The following GPC5 variants were observed in gnomAD, a reference collection of about 807,000 sequenced individuals.
The protein encoded by GPC5 is glypican-5.
Under a neutral mutation model 53.9 loss-of-function variants are expected in GPC5, and 47 were observed. That is an observed-to-expected ratio of 0.87 (90% CI 0.69 to 1.11). GPC5 has a LOEUF of 1.11. GPC5 is among the 50% of genes most tolerant of loss of function. The pLI, the probability that GPC5 is intolerant of heterozygous loss-of-function variation, is 0.00. For missense variants in GPC5, 748 were observed against 713.1 expected, an observed-to-expected ratio of 1.05 and a Z score of -0.56; for synonymous variants, 286 against 263.3, an observed-to-expected ratio of 1.09 and a Z score of -0.84.
chr13:91,615,807 T>C (rs1487867335), intron 2 of GPC5, among the ~76,000 whole-genome samples: 1 of 152,130 alleles, frequency 6.6e-6, no homozygotes, highest in Non-Finnish European at 1.5e-5. Flanking sequence ...GAGAAAGAAA[T>C]ATCAATGATA....
chr13:91,907,661 T>C (rs2039568694), intron 5 of GPC5, among the ~76,000 whole-genome samples: 1 of 151,580 alleles, frequency 6.6e-6, no homozygotes, highest in Non-Finnish European at 1.5e-5. Flanking sequence ...ATTAACTCTT[T>C]GTAGCATATT....
At position 92,268,696 on chromosome 13, in the gene GPC5, T is replaced by A. The variant is rs536296911; in HGVS notation, c.1561+123707T>A. On this transcript the variant is annotated intron_variant, in intron 7 of 7. Coordinates refer to ENST00000377067, the MANE Select transcript of GPC5 (RefSeq NM_004466.6). ...GCTACAAAATTATTCTGTAAGAATT[T>A]TTTATCTTATACTTACCTCATAGAT... Among the ~76,000 whole-genome samples, 782 of 150,730 alleles carry A rather than the reference T, an allele frequency of 5.2e-3. 7 individuals carry two copies. The highest frequency in any genetic ancestry group is 0.018 in the African/African-American group (750 of 40,750).
At chr13:92,411,147 G>A (rs1876025378) in intron 7 of GPC5, among the ~76,000 whole-genome samples, 2 of 152,174 alleles carry the variant, frequency 1.3e-5, no homozygotes, top group Admixed American at 6.5e-5. Context: ...GCGCACGTCT[G>A]TAGTCTCAGC....
intron 7 of GPC5, among the ~76,000 whole-genome samples, chr13:92,419,560 C>T (rs1032369673): frequency 1.3e-5 from 2 of 152,128 alleles, no homozygotes; most frequent in Non-Finnish European, 2.9e-5. Context: ...GTCAAACTCA[C>T]GTTTGTCTTG....
At position 92,473,984 on chromosome 13, in the gene GPC5, A is replaced by G. The variant is rs894525342; in HGVS notation, c.1561+328995A>G. On this transcript the variant is annotated intron_variant, in intron 7 of 7. Transcript: ENST00000377067. The stretch of plus-strand genomic sequence containing the variant: ...TTGAAGCAATATCAGGAGATCATTG[A>G]CAAAAGGCAGAGCTGAGATTAGATG... Among the ~76,000 whole-genome samples, 18 of 152,150 alleles carry G rather than the reference A, an allele frequency of 1.2e-4. 1 individual carries two copies. Among genetic ancestry groups the G allele is most frequent in the African/African-American group, 3.9e-4 (16 of 41,452 alleles).
At chr13:92,078,873 T>C (rs1348165492) in intron 6 of GPC5, among the ~76,000 whole-genome samples, 1 of 152,150 alleles carries the variant, frequency 6.6e-6, no homozygotes, top group East Asian at 1.9e-4. Context: ...TAATTTACCC[T>C]TTCTTCACTG....
At chr13:92,161,301 CTA>C (rs1429668254) in intron 7 of GPC5, among the ~76,000 whole-genome samples, 9 of 152,240 alleles carry the variant, frequency 5.9e-5, no homozygotes, top group African/African-American at 2.2e-4. Flanking sequence ...TAAATAATAA[CTA>C]TTTCCAATAA....
At chr13:91,556,639 C>G (rs577687846) in intron 2 of GPC5, among the ~76,000 whole-genome samples, 2 of 151,426 alleles carry the variant, frequency 1.3e-5, no homozygotes, top group South Asian at 4.2e-4. Context: ...ACTATTCAGC[C>G]ATAAAAAGGA....
intron 6 of GPC5, among the ~76,000 whole-genome samples, chr13:92,131,895 A>G (rs2041746942): frequency 6.7e-6 from 1 of 150,324 alleles, no homozygotes; most frequent in African/African-American, 2.4e-5. Flanking sequence ...CATTTTGCCT[A>G]TCTATGACCC....
chr13:92,680,458 C>T (rs1196969251), intron 7 of GPC5, among the ~76,000 whole-genome samples: 1 of 152,042 alleles, frequency 6.6e-6, no homozygotes, highest in African/African-American at 2.4e-5. Flanking sequence ...TATAATCTTT[C>T]TCCTGCAAAA....
chr13:92,462,920 T>A (rs1280633326), intron 7 of GPC5, among the ~76,000 whole-genome samples: 2 of 152,080 alleles, frequency 1.3e-5, no homozygotes, highest in East Asian at 3.9e-4. Context: ...TTCTCCATGT[T>A]GGTCAGGTTT....
intron 2 of GPC5, among the ~76,000 whole-genome samples, chr13:91,545,231 ACTG>A (rs2030211967): frequency 6.6e-6 from 1 of 152,202 alleles, no homozygotes; most frequent in Non-Finnish European, 1.5e-5. Context: ...ATATTTAAAA[ACTG>A]CCATAAGCAA....
At chr13:91,592,683 T>C (rs1333884632) in intron 2 of GPC5, among the ~76,000 whole-genome samples, 1 of 152,216 alleles carries the variant, frequency 6.6e-6, no homozygotes, top group African/African-American at 2.4e-5. Context: ...TGCTGCTCTA[T>C]CCTCTGGACC....
In GPC5 at chr13:91,869,615, C is replaced by A. The variant is rs543574475; in HGVS notation, c.1281-38322C>A. On this transcript the variant is annotated intron_variant, in intron 5 of 7. Coordinates refer to ENST00000377067, the MANE Select transcript of GPC5 (RefSeq NM_004466.6). Reference sequence around the variant, plus strand: ...TACTTCTATGGCCTCTTTATCTAAACAATGAAATCCAAGTGCTTATTTGAT... The same window carrying A: ...TACTTCTATGGCCTCTTTATCTAAAAAATGAAATCCAAGTGCTTATTTGAT... Among the ~76,000 whole-genome samples, 3 of 152,118 alleles carry A rather than the reference C, an allele frequency of 2.0e-5. No homozygotes were observed. The South Asian group carries it at 6.2e-4, about 32-fold the overall frequency.
intron 7 of GPC5, among the ~76,000 whole-genome samples, chr13:92,713,456 A>T (rs1888214236): frequency 6.6e-6 from 1 of 151,222 alleles, no homozygotes; most frequent in African/African-American, 2.4e-5. Flanking sequence ...AATACAAAAA[A>T]AATTAGCTGG....
At chr13:91,570,868 A>G (rs897440081) in intron 2 of GPC5, among the ~76,000 whole-genome samples, 3 of 152,172 alleles carry the variant, frequency 2.0e-5, no homozygotes, top group African/African-American at 7.2e-5. Context: ...GAATTTTGGG[A>G]AAGTCAAGTT....
rs570239998 is a variant in GPC5, at chr13:91,979,212, C to T, written c.1401+71155C>T. On this transcript the variant is annotated intron_variant, in intron 6 of 7. Coordinates refer to ENST00000377067, the MANE Select transcript of GPC5 (RefSeq NM_004466.6). Reference sequence around the variant, plus strand: ...GCTAGAGGTAAGGGGAAATAAAAAGCCCATAGTGATTTTTTTTTTAAATCT... The same window carrying T: ...GCTAGAGGTAAGGGGAAATAAAAAGTCCATAGTGATTTTTTTTTTAAATCT... Among the ~76,000 whole-genome samples, 10 of 151,664 alleles carry T rather than the reference C, an allele frequency of 6.6e-5. No homozygotes were observed. The East Asian group carries it at 1.9e-3, about 29-fold the overall frequency.
chr13:92,711,804 A>C (rs903120878), intron 7 of GPC5, among the ~76,000 whole-genome samples: 1 of 152,084 alleles, frequency 6.6e-6, no homozygotes, highest in Non-Finnish European at 1.5e-5. Context: ...TCTCCAACTC[A>C]AAAACACACT....
intron 6 of GPC5, among the ~76,000 whole-genome samples, chr13:91,919,547 G>C (rs142715457): frequency 4.2e-4 from 64 of 152,156 alleles, no homozygotes; most frequent in African/African-American, 1.3e-3. Context: ...GTGAAAATTT[G>C]GCCACATGTT....
Sources: gnomAD v4.1 joint callset for allele counts (sites outside exome capture counted in the v4.1 genomes callset) on GRCh38, gnomAD v4.1.1 for gene constraint, MANE v1.5 for transcripts, NCBI Gene and HGNC (gene_info 2026-07-23, HGNC 2026-07-21) for gene names.